COL22A1: variants seen among roughly 807,000 people sequenced by gnomAD.
COL22A1 encodes the protein collagen type XXII alpha 1 chain, also known as collagen alpha-1(XXII) chain.
A neutral mutation model predicts 248.9 loss-of-function variants in COL22A1; 221 were observed. The observed-to-expected ratio is 0.89, with a 90% CI of 0.80 to 0.99. The LOEUF (loss-of-function observed/expected upper bound fraction) is 0.99. Among genes scored for constraint, COL22A1 ranks in the 50% least tolerant of loss-of-function variants. COL22A1 has a pLI of 0.00. For synonymous variants in COL22A1, 891 were observed against 793.4 expected (o/e 1.12, Z -2.07); for missense variants, 2,240 against 2,179.0 (o/e 1.03, Z -0.56).
chr8:138,799,819 C>A (rs953426738), intron 11 of COL22A1, among the ~76,000 whole-genome samples: 3 of 152,152 alleles, frequency 2.0e-5, no homozygotes, highest in Admixed American at 6.5e-5. Context: ...CTGTTGTGGG[C>A]AGTCATTGAG....
intron 7 of COL22A1, 44 bp from the exon 8 acceptor site, chr8:138,813,063 G>A (rs368413361): frequency 6.6e-7 from 1 of 1,510,858 alleles, no homozygotes; most frequent in African/African-American, 1.4e-5. Context: ...TAGGGACTTT[G>A]GAACCCAGAA....
intron 30 of COL22A1, among the ~76,000 whole-genome samples, chr8:138,704,985 C>A (rs746692708): frequency 6.6e-6 from 1 of 151,990 alleles, no homozygotes; most frequent in Admixed American, 6.5e-5. Flanking sequence ...GTGATGCATG[C>A]CCAAGCTTCA....
At chr8:138,762,555 A>G (rs1833573240) in intron 16 of COL22A1, 89 bp from the exon 17 acceptor site, 1 of 1,282,122 alleles carries the variant, frequency 7.8e-7, no homozygotes, top group Admixed American at 1.8e-5. Flanking sequence ...CGTCATGGAC[A>G]AGGAGGGTGG....
At chr8:138,681,449 G>T (rs1279065437) in intron 39 of COL22A1, among the ~76,000 whole-genome samples, 1 of 152,088 alleles carries the variant, frequency 6.6e-6, no homozygotes, top group South Asian at 2.1e-4. Context: ...TTAGATCAGT[G>T]GTCATACAGA....
intron 17 of COL22A1, among the ~76,000 whole-genome samples, chr8:138,761,971 A>G (rs1377796066): frequency 6.6e-6 from 1 of 152,102 alleles, no homozygotes; most frequent in Non-Finnish European, 1.5e-5. Flanking sequence ...CCCTCACATC[A>G]GTGCATCCAG....
chr8:138,788,684 C>T (rs1290808966), intron 12 of COL22A1, among the ~76,000 whole-genome samples: 1 of 152,040 alleles, frequency 6.6e-6, no homozygotes, highest in Non-Finnish European at 1.5e-5. Context: ...TGCTGCTGGT[C>T]GCCTCTGGGA....
intron 1 of COL22A1, among the ~76,000 whole-genome samples, chr8:138,890,628 G>A (rs954021454): frequency 6.6e-6 from 1 of 152,004 alleles, no homozygotes; most frequent in African/African-American, 2.4e-5. Context: ...TGGCATGATC[G>A]TATATGTGGA....
At chr8:138,590,477 C>T (rs1358943578) in intron 64 of COL22A1, among the ~76,000 whole-genome samples, 1 of 152,060 alleles carries the variant, frequency 6.6e-6, no homozygotes, top group Non-Finnish European at 1.5e-5. Flanking sequence ...AAATTGCCTT[C>T]TTTTAAAAGT....
At chr8:138,803,050 C>A in intron 10 of COL22A1, 116 bp from the exon 11 acceptor site, 2 of 817,748 alleles carry the variant, frequency 2.4e-6, no homozygotes, top group Non-Finnish European at 2.2e-6. Context: ...CTGACTTCAT[C>A]TTTGCCATTT....
intron 30 of COL22A1, among the ~76,000 whole-genome samples, chr8:138,706,901 A>G (rs1586520784): frequency 6.6e-6 from 1 of 152,214 alleles, no homozygotes; most frequent in East Asian, 1.9e-4. Context: ...CAAGACTAAT[A>G]AAGAAGAGAA....
At chr8:138,886,317 C>G (rs953029844) in intron 1 of COL22A1, among the ~76,000 whole-genome samples, 1 of 152,072 alleles carries the variant, frequency 6.6e-6, no homozygotes, top group South Asian at 2.1e-4. Context: ...GCAGTGACTG[C>G]GTCTTATTGG....
At chr8:138,668,529 C>A (rs1405270426) in intron 41 of COL22A1, among the ~76,000 whole-genome samples, 1 of 152,176 alleles carries the variant, frequency 6.6e-6, no homozygotes, top group Non-Finnish European at 1.5e-5. Context: ...CCGCATATGG[C>A]TTTAGATATG....
chr8:138,740,467 T>G (rs527841043), intron 22 of COL22A1, among the ~76,000 whole-genome samples: 6 of 152,210 alleles, frequency 3.9e-5, no homozygotes, highest in Admixed American at 3.9e-4. Context: ...TCAGCAGCAA[T>G]CCGCTTCCTG....
intron 4 of COL22A1, among the ~76,000 whole-genome samples, chr8:138,833,645 G>A (rs1820218974): frequency 6.6e-6 from 1 of 152,194 alleles, no homozygotes; most frequent in East Asian, 1.9e-4. Context: ...CATCAGAGAG[G>A]AATAAACTGT....
chr8:138,755,709 C>T (rs2131363971), intron 19 of COL22A1, 76 bp downstream of exon 19: 1 of 1,480,504 alleles, frequency 6.8e-7, no homozygotes, highest in Non-Finnish European at 9.4e-7. Context: ...TTGCCTTATT[C>T]TTAGAGGTGA....
Position 138,593,998 on chromosome 8 carries a change from C to T in COL22A1, c.4615+19G>A, listed in dbSNP as rs767287920. On this transcript the variant is annotated intron_variant, in intron 63 of 64. Transcript: ENST00000303045. ...CTCCAGGAGTACACGGAGCATATCTCCTCCAGGTCTTCACTCACCTTTGGG... is the reference window on the plus strand; with the variant it reads ...CTCCAGGAGTACACGGAGCATATCTTCTCCAGGTCTTCACTCACCTTTGGG... 4.6e-6 allele frequency: 7 copies of T among 1,523,442 alleles called. No homozygotes were observed. The highest frequency in any genetic ancestry group is 1.3e-5 in the South Asian group (1 of 78,988). 94.4% of individuals were successfully genotyped at this position (1,523,442 alleles called of 1,614,324 possible). A position where few individuals can be genotyped will look rare whatever the true frequency, so the allele number is the denominator to read the frequency against.
chr8:138,895,015 C>T (rs909338015), intron 1 of COL22A1, among the ~76,000 whole-genome samples: 11 of 148,708 alleles, frequency 7.4e-5, no homozygotes, highest in African/African-American at 2.5e-5. Flanking sequence ...GCTATGATCA[C>T]ACCACTGCAC....
intron 2 of COL22A1, 146 bp from the exon 3 acceptor site, chr8:138,878,462 G>A: frequency 3.1e-6 from 2 of 646,002 alleles, no homozygotes; most frequent in Non-Finnish European, 5.0e-6. Context: ...TGGGCTGCCT[G>A]AAAGGCCTGA....
At chr8:138,642,806 A>G (rs949276477) in intron 47 of COL22A1, among the ~76,000 whole-genome samples, 2 of 152,196 alleles carry the variant, frequency 1.3e-5, no homozygotes, top group African/African-American at 4.8e-5. Context: ...CAAGGCAGGC[A>G]GATCAAGAGG....
Sources: gnomAD v4.1 joint callset for allele counts (sites outside exome capture counted in the v4.1 genomes callset) on GRCh38, gnomAD v4.1.1 for gene constraint, MANE v1.5 for transcripts, NCBI Gene and HGNC (gene_info 2026-07-23, HGNC 2026-07-21) for gene names.